Variants in CDH7 observed in about 807,000 individuals in gnomAD.
CDH7 encodes the protein cadherin 7.
A neutral mutation model predicts 71.8 loss-of-function variants in CDH7; 25 were observed. The ratio of observed to expected loss-of-function variants is 0.35; its 90% CI spans 0.25 to 0.49. The LOEUF is 0.49. Ranked by LOEUF, CDH7 falls within the 20% of genes least tolerant of loss-of-function variation. The pLI is 0.99. For synonymous variants in CDH7, 381 were observed against 363.8 expected, an observed-to-expected ratio of 1.05 and a Z score of -0.54; for missense variants, 862 against 974.6, an observed-to-expected ratio of 0.88 and a Z score of 1.54.
intron 1 of CDH7, among the ~76,000 whole-genome samples, chr18:65,757,594 A>AT (rs904516229): frequency 1.3e-5 from 2 of 151,616 alleles, no homozygotes; most frequent in South Asian, 2.1e-4. Flanking sequence ...ATCTTCCTCA[A>AT]TTTTTTTTCC....
chr18:65,788,581 C>T (rs144606337), intron 2 of CDH7, among the ~76,000 whole-genome samples: 258 of 152,252 alleles, frequency 1.7e-3, no homozygotes, highest in African/African-American at 5.9e-3. Flanking sequence ...GGCCATCTGC[C>T]GGCTTGCTCA....
chr18:65,842,594 T>C (rs898417110), intron 6 of CDH7, among the ~76,000 whole-genome samples: 1 of 151,998 alleles, frequency 6.6e-6, no homozygotes, highest in African/African-American at 2.4e-5. Context: ...TTATATACAG[T>C]ATAGTATGTG....
At chr18:65,831,756 T>G (rs936386138) in intron 6 of CDH7, among the ~76,000 whole-genome samples, 1 of 151,960 alleles carries the variant, frequency 6.6e-6, no homozygotes, top group African/African-American at 2.4e-5. Flanking sequence ...TCTGTGAAAT[T>G]TAGAATGGAT....
At chr18:65,842,593 G>A (rs1912774361) in intron 6 of CDH7, among the ~76,000 whole-genome samples, 1 of 151,812 alleles carries the variant, frequency 6.6e-6, no homozygotes, top group Non-Finnish European at 1.5e-5. Context: ...ATTATATACA[G>A]TATAGTATGT....
intron 3 of CDH7, 84 bp downstream of exon 3, chr18:65,810,082 A>T: frequency 1.2e-4 from 1 of 8,174 alleles, no homozygotes; most frequent in African/African-American, 1.7e-4. Context: ...TTAAGTACTG[A>T]AAAAAAAAAA....
chr18:65,792,185 CTTTTTTTT>C (rs71167149), intron 2 of CDH7, among the ~76,000 whole-genome samples: 12 of 104,114 alleles, frequency 1.2e-4, no homozygotes, highest in Non-Finnish European at 1.2e-4. Context: ...TGCAGCCAGT[CTTTTTTTT>C]TTTTTTTTTT....
Position 65,783,963 on chromosome 18 carries a change from T to G in CDH7, c.210+20911T>G, listed in dbSNP as rs573104467. Among the ~76,000 whole-genome samples the G allele has an allele frequency of 1.6e-4, 25 of 152,148 alleles. 1 individual carries two copies. In the South Asian group the frequency reaches 5.2e-3, roughly 32 times the overall value. On this transcript the variant is annotated intron_variant, in intron 2 of 11. Transcript: ENST00000397968. ...CATGATTTTTATTTTATTTATTTAT[T>G]TATTTATTTGAGACAGAGTCAGGCT...
At chr18:65,853,946 T>TATATAA (rs1913251186) in intron 7 of CDH7, among the ~76,000 whole-genome samples, 1 of 113,366 alleles carries the variant, frequency 8.8e-6, no homozygotes, top group African/African-American at 3.3e-5. Context: ...TATATATATA[T>TATATAA]ATATATATAT....
At chr18:65,782,103 C>T (rs868111233) in intron 2 of CDH7, among the ~76,000 whole-genome samples, 17 of 30,998 alleles carry the variant, frequency 5.5e-4, no homozygotes, top group African/African-American at 1.8e-3. Context: ...TCCTTCCTTC[C>T]TTCCTTCTTT....
At chr18:65,880,233 C>G (rs1914180982) in intron 11 of CDH7, among the ~76,000 whole-genome samples, 168 bp from the exon 12 acceptor site, 1 of 152,110 alleles carries the variant, frequency 6.6e-6, no homozygotes, top group South Asian at 2.1e-4. Flanking sequence ...GCCACTTTAG[C>G]AATTTTAGCA....
rs568413128 is a variant in CDH7 at position 65,881,736 on chromosome 18, G to C, written c.*842G>C. ...GGAGCTCCAATCTCCACTAAATTCA[G>C]GTCCATCATACTGCCTCATAGTATT... On this transcript the variant is annotated 3_prime_UTR_variant, in exon 12 of 12. Coordinates refer to ENST00000397968, the MANE Select transcript of CDH7 (RefSeq NM_004361.5). The C allele has an allele frequency of 6.6e-6, 1 of 152,180 alleles. No individual in the cohort carries two copies. The highest frequency in any genetic ancestry group is 2.1e-4 in the South Asian group (1 of 4,820). The allele number at this position is 152,180 out of a possible 1,614,324, so 9.4% of individuals were successfully genotyped here. A position where few individuals can be genotyped will look rare whatever the true frequency, so the allele number is the denominator to read the frequency against.
chr18:65,759,217 T>C (rs1281224902), intron 1 of CDH7, among the ~76,000 whole-genome samples: 1 of 152,056 alleles, frequency 6.6e-6, no homozygotes, highest in African/African-American at 2.4e-5. Flanking sequence ...ATAACTTCCT[T>C]AAATTTCTCT....
chr18:65,785,133 A>G (rs900678692), intron 2 of CDH7, among the ~76,000 whole-genome samples: 1 of 152,124 alleles, frequency 6.6e-6, no homozygotes, highest in African/African-American at 2.4e-5. Context: ...TTAAATTACA[A>G]TTTGGCTGAA....
chr18:65,878,925 AG>A (rs1914143074), intron 11 of CDH7, among the ~76,000 whole-genome samples: 1 of 152,200 alleles, frequency 6.6e-6, no homozygotes, highest in Non-Finnish European at 1.5e-5. Context: ...GGGAAAGAAA[AG>A]GAAAAAGTGC....
intron 11 of CDH7, 143 bp downstream of exon 11, chr18:65,863,060 CG>C: frequency 1.1e-6 from 1 of 902,244 alleles, no homozygotes; most frequent in Non-Finnish European, 1.7e-6. Context: ...TTCTTTGAGA[CG>C]GGGTCTCACT....
chr18:65,761,060 A>T (rs1916176857), intron 1 of CDH7, among the ~76,000 whole-genome samples: 1 of 152,252 alleles, frequency 6.6e-6, no homozygotes, highest in African/African-American at 2.4e-5. Flanking sequence ...TTTATTTTTG[A>T]TCCTTGGATA....
At chr18:65,864,449 G>A (rs1913688382) in intron 11 of CDH7, among the ~76,000 whole-genome samples, 1 of 149,048 alleles carries the variant, frequency 6.7e-6, no homozygotes, top group Admixed American at 6.7e-5. Context: ...TCTATTTTAT[G>A]TGTGGCCTAA....
intron 10 of CDH7, among the ~76,000 whole-genome samples, chr18:65,862,055 T>C (rs1262391203): frequency 1.3e-5 from 2 of 152,142 alleles, no homozygotes; most frequent in Non-Finnish European, 2.9e-5. Flanking sequence ...ATATTAAATA[T>C]AAGGTAAACA....
chr18:65,760,862 G>A (rs1192864228), intron 1 of CDH7, among the ~76,000 whole-genome samples: 2 of 152,106 alleles, frequency 1.3e-5, no homozygotes, highest in Non-Finnish European at 1.5e-5. Context: ...GTTTAAGCAC[G>A]TCCCTGCCTT....
Sources: allele counts gnomAD v4.1 joint callset (sites outside exome capture counted in the v4.1 genomes callset), GRCh38; gene constraint gnomAD v4.1.1; transcripts MANE v1.5; gene names NCBI Gene and HGNC (gene_info 2026-07-23, HGNC 2026-07-21).